Variants in PRKN observed in about 807,000 individuals in gnomAD.
The protein encoded by PRKN is parkin RBR E3 ubiquitin protein ligase, also known as E3 ubiquitin-protein ligase parkin.
Under a neutral mutation model 59.5 loss-of-function variants are expected in PRKN, and 56 were observed. The observed-to-expected ratio is 0.94, with a 90% confidence interval of 0.76 to 1.18. PRKN has a LOEUF of 1.18. Among genes scored for constraint, PRKN ranks in the 50% most tolerant of loss-of-function variants. The probability of loss-of-function intolerance (pLI) is 0.00; values close to 1 mark genes in which losing one functional copy is unlikely to be tolerated. For synonymous variants in PRKN, 250 were observed against 222.1 expected (o/e 1.13, Z -1.12); for missense variants, 657 against 596.4 (o/e 1.10, Z -1.06).
chr6:161,715,974 G>A (rs528015760), intron 7 of PRKN: 1 of 530,778 alleles, frequency 1.9e-6, no homozygotes, highest in Non-Finnish European at 3.4e-6. Context: ...TGGGTGAGAA[G>A]CGCTGGGGTG....
intron 1 of PRKN, among the ~76,000 whole-genome samples, chr6:162,521,997 A>G (rs140685158): frequency 1.3e-5 from 2 of 152,364 alleles, no homozygotes; most frequent in African/African-American, 4.8e-5. Flanking sequence ...GATTACTTAT[A>G]AAGATGTAAC....
chr6:161,490,344 T>C (rs1562483253), intron 9 of PRKN, among the ~76,000 whole-genome samples: 1 of 150,416 alleles, frequency 6.6e-6, no homozygotes, highest in African/African-American at 2.4e-5. Context: ...TTGCTTTCTC[T>C]CTCTCTCTCT....
intron 1 of PRKN, among the ~76,000 whole-genome samples, chr6:162,509,146 C>T (rs1340090619): frequency 6.6e-6 from 1 of 152,182 alleles, no homozygotes; most frequent in Non-Finnish European, 1.5e-5. Flanking sequence ...TTTAATGTCA[C>T]AGCCCTTCTA....
rs999146588 is a variant in PRKN at position 161,362,434 on chromosome 6, G to A, written c.1168-2229C>T. ...ACAAAGCCTCCAGCCAGAGCCAGGT[G>A]GGAGGTGGAATCCAGTTTTACTACA... is the stretch of plus-strand genomic sequence containing the variant. On this transcript the variant is annotated intron_variant, in intron 10 of 11. Transcript: ENST00000366898. This position sits in a 1 kb window ranked among gnomAD's most constrained non-coding sequence, Gnocchi z 5.2. Among the ~76,000 whole-genome samples, 2 of 152,118 alleles carry A rather than the reference G, an allele frequency of 1.3e-5. No individual in the cohort carries two copies. The highest frequency in any genetic ancestry group is 4.8e-5 in the African/African-American group (2 of 41,418).
At chr6:162,131,282 C>A (rs6455799) in intron 4 of PRKN, among the ~76,000 whole-genome samples, 2 of 152,214 alleles carry the variant, frequency 1.3e-5, no homozygotes, top group African/African-American at 4.8e-5. Flanking sequence ...AAGTGAGAAA[C>A]TTTTCACAGG....
chr6:162,408,680 C>T (rs984852900), intron 2 of PRKN, among the ~76,000 whole-genome samples: 4 of 152,120 alleles, frequency 2.6e-5, no homozygotes, highest in Non-Finnish European at 4.4e-5. Flanking sequence ...GGCAAACATG[C>T]TTAGGGGTGG....
At chr6:162,386,308 TATA>T (rs1349814789) in intron 2 of PRKN, among the ~76,000 whole-genome samples, 11 of 152,232 alleles carry the variant, frequency 7.2e-5, no homozygotes, top group Non-Finnish European at 1.3e-4. Context: ...GCACGTGGTA[TATA>T]ATAAAAACAT....
chr6:162,471,575 A>C (rs1791750374), intron 1 of PRKN, among the ~76,000 whole-genome samples: 2 of 152,344 alleles, frequency 1.3e-5, no homozygotes, highest in Admixed American at 1.3e-4. Context: ...GCAATTATTA[A>C]TAAAATATAT....
intron 1 of PRKN, among the ~76,000 whole-genome samples, chr6:162,705,802 T>C (rs574204037): frequency 2.6e-5 from 4 of 152,190 alleles, no homozygotes; most frequent in African/African-American, 7.2e-5. Context: ...GCTAGAGGGA[T>C]AGTTCCTGCT....
chr6:162,109,655 A>C (rs1780338723), intron 4 of PRKN, among the ~76,000 whole-genome samples: 1 of 152,002 alleles, frequency 6.6e-6, no homozygotes, highest in Non-Finnish European at 1.5e-5. Flanking sequence ...TACAGTGTGC[A>C]CTCCTCTGCT....
intron 9 of PRKN, among the ~76,000 whole-genome samples, chr6:161,389,445 T>C (rs1273587498): frequency 2.0e-5 from 3 of 152,226 alleles, no homozygotes; most frequent in Admixed American, 1.3e-4. Context: ...TTTAGTGAAA[T>C]GTAAACTTTA....
rs541044016 is a variant in PRKN, at chr6:162,200,040, C to A, written c.534+1091G>T. ...GTCCTCAATAGCGTTTGACACATCA[C>A]CCTGGTTTATACAATTTTGCTGTGG... On this transcript the variant is annotated intron_variant, in intron 4 of 11. Coordinates refer to ENST00000366898, the MANE Select transcript of PRKN (RefSeq NM_004562.3). 2.0e-5 allele frequency among the ~76,000 whole-genome samples: 3 copies of A among 152,250 alleles called. No homozygotes were observed. The East Asian group carries it at 5.8e-4, about 29-fold the overall frequency.
chr6:162,364,340 CTT>C (rs1024491201), intron 2 of PRKN, among the ~76,000 whole-genome samples: 4 of 152,134 alleles, frequency 2.6e-5, no homozygotes, highest in African/African-American at 9.7e-5. Flanking sequence ...TTAATTTGAG[CTT>C]TTTTGAGTTG....
chr6:162,539,578 T>C (rs1387712028), intron 1 of PRKN, among the ~76,000 whole-genome samples: 1 of 152,192 alleles, frequency 6.6e-6, no homozygotes, highest in Non-Finnish European at 1.5e-5. Context: ...TGTTTTACAC[T>C]CATATTCCAG....
At chr6:162,262,476 C>A in intron 3 of PRKN, 49 bp downstream of exon 3, 1 of 1,612,340 alleles carries the variant, frequency 6.2e-7, no homozygotes, top group Non-Finnish European at 8.5e-7. Context: ...GCAGACTGCA[C>A]TAAACAAACA....
intron 1 of PRKN, among the ~76,000 whole-genome samples, chr6:162,522,923 A>G (rs9456785): frequency 0.4 from 61,396 of 152,016 alleles, 12,633 homozygotes; most frequent in South Asian, 0.57. Flanking sequence ...AACCCTGACC[A>G]TTCCAGCAAA....
rs142014590 is a variant in PRKN, at chr6:162,145,837, G to A, written c.534+55294C>T. On this transcript the variant is annotated intron_variant, in intron 4 of 11. Coordinates refer to ENST00000366898, the MANE Select transcript of PRKN (RefSeq NM_004562.3). ...CCTAAACAAACATCTGATGGGCGGC[G>A]AAAAGCAACCAATCAGAGGCTAAAG... 8.8e-3 allele frequency among the ~76,000 whole-genome samples: 1,346 copies of A among 152,214 alleles called. 4 individuals carry two copies. The highest frequency in any genetic ancestry group is 0.017 in the Middle Eastern group (5 of 294).
intron 7 of PRKN, among the ~76,000 whole-genome samples, chr6:161,712,166 T>C (rs1002385645): frequency 4.6e-5 from 7 of 152,152 alleles, no homozygotes; most frequent in African/African-American, 1.7e-4. Context: ...AGACCAGATA[T>C]TGAAAGTGGG....
intron 2 of PRKN, among the ~76,000 whole-genome samples, chr6:162,292,015 GT>G (rs1388714278): frequency 6.8e-6 from 1 of 148,042 alleles, no homozygotes; most frequent in Admixed American, 6.8e-5. Flanking sequence ...CCAGGCTGGA[GT>G]GCAATGGCGG....
Sources: gnomAD v4.1 joint callset for allele counts (sites outside exome capture counted in the v4.1 genomes callset) on GRCh38, gnomAD v4.1.1 for gene constraint, Gnocchi (gnomAD v3.1) non-coding constraint, MANE v1.5 for transcripts, NCBI Gene and HGNC (gene_info 2026-07-23, HGNC 2026-07-21) for gene names.